TTC17: variants seen among roughly 807,000 people sequenced by gnomAD.
TTC17 encodes the protein tetratricopeptide repeat domain 17, also known as tetratricopeptide repeat protein 17.
TTC17 carries 58 observed loss-of-function variants against 143.8 expected under a neutral mutation model. The ratio of observed to expected loss-of-function variants is 0.40; its 90% CI spans 0.33 to 0.50. The LOEUF is 0.50. TTC17 is among the 20% of genes least tolerant of loss of function. The pLI, the probability that TTC17 is intolerant of heterozygous loss-of-function variation, is 0.49. For missense variants in TTC17, 1,273 were observed against 1,392.5 expected (o/e 0.91, Z 1.37); for synonymous variants, 501 against 497.8 (o/e 1.01, Z -0.09).
intron 21 of TTC17, among the ~76,000 whole-genome samples, chr11:43,480,566 A>T (rs1948267352): frequency 6.6e-6 from 1 of 152,248 alleles, no homozygotes; most frequent in African/African-American, 2.4e-5. Flanking sequence ...TGCTAAGCAA[A>T]TAAAATGACA....
intron 21 of TTC17, among the ~76,000 whole-genome samples, chr11:43,469,272 G>T (rs1948043157): frequency 6.6e-6 from 1 of 152,124 alleles, no homozygotes; most frequent in Non-Finnish European, 1.5e-5. Flanking sequence ...TTGCTAGTGG[G>T]AGTAGAAAAT....
Position 43,493,916 on chromosome 11 carries a change from C to T in TTC17, c.*12C>T. 6.4e-7 allele frequency: 1 copy of T among 1,569,446 alleles called. No homozygotes were observed. The highest frequency in any genetic ancestry group is 8.7e-7 in the Non-Finnish European group (1 of 1,155,496). ...GGCGCTCTCCTTAGTGCACTTCTTCCTTCTCTCTTTCTCTTTACTCATGCT... is the reference window on the plus strand; with the variant it reads ...GGCGCTCTCCTTAGTGCACTTCTTCTTTCTCTCTTTCTCTTTACTCATGCT... On this transcript the variant is annotated 3_prime_UTR_variant, in exon 24 of 24. Transcript: ENST00000039989.
At chr11:43,458,067 A>G (rs1364720442) in intron 21 of TTC17, among the ~76,000 whole-genome samples, 1 of 152,214 alleles carries the variant, frequency 6.6e-6, no homozygotes, top group Non-Finnish European at 1.5e-5. Flanking sequence ...TATTGTTACA[A>G]ACAAACAAAT....
Position 43,387,420 on chromosome 11 carries a change from T to C in TTC17, c.250-2232T>C, listed in dbSNP as rs1565138229. ...TTGGCCAAAGCAAGTCATGTGGCCA[T>C]GCCTTGAAGTCAGTAGGGCAGGATA... On this transcript the variant is annotated intron_variant, in intron 2 of 23. Coordinates refer to ENST00000039989, the MANE Select transcript of TTC17 (RefSeq NM_018259.6). Among the ~76,000 whole-genome samples, 4 of 151,418 alleles carry C rather than the reference T, an allele frequency of 2.6e-5. No individual in the cohort carries two copies. The South Asian group carries it at 8.4e-4, about 32-fold the overall frequency.
intron 21 of TTC17, chr11:43,466,819 G>A (rs1947982628): frequency 6.9e-6 from 2 of 291,962 alleles, no homozygotes; most frequent in Non-Finnish European, 1.4e-5. Flanking sequence ...GAATGCTTTG[G>A]GTCCAGGAAT....
chr11:43,378,380 G>C (rs904179327), intron 1 of TTC17, among the ~76,000 whole-genome samples: 4 of 152,168 alleles, frequency 2.6e-5, no homozygotes, highest in Non-Finnish European at 5.9e-5. Flanking sequence ...CTTATGTAAA[G>C]CTCTTATACT....
At chr11:43,403,080 AAAG>A (rs869232152) in intron 10 of TTC17, among the ~76,000 whole-genome samples, 3 of 105,906 alleles carry the variant, frequency 2.8e-5, no homozygotes, top group African/African-American at 7.9e-5. Flanking sequence ...GGGAAAAAAT[AAAG>A]AAGACCAGAT....
At chr11:43,487,076 G>A (rs1948394595) in intron 21 of TTC17, among the ~76,000 whole-genome samples, 1 of 152,092 alleles carries the variant, frequency 6.6e-6, no homozygotes, top group Admixed American at 6.6e-5. Flanking sequence ...TATATTATAT[G>A]TGTATTTAAT....
chr11:43,455,958 TAGCAAACATA>T, intron 21 of TTC17, among the ~76,000 whole-genome samples: 1 of 152,272 alleles, frequency 6.6e-6, no homozygotes, highest in African/African-American at 2.4e-5. Flanking sequence ...AGTAAAATAG[TAGCAAACATA>T]ATCTAACAGC....
intron 21 of TTC17, among the ~76,000 whole-genome samples, chr11:43,467,165 C>G (rs1947991129): frequency 2.0e-5 from 3 of 152,226 alleles, no homozygotes; most frequent in Admixed American, 2.0e-4. Flanking sequence ...AGCAGTTCCA[C>G]TCCTGGATAT....
chr11:43,396,954 C>CA, intron 6 of TTC17, 136 bp downstream of exon 6: 3 of 447,746 alleles, frequency 6.7e-6, no homozygotes, highest in Admixed American at 4.0e-5. Context: ...ATAAGTCCCA[C>CA]CACAAAAAAA....
At chr11:43,460,301 A>C (rs539947051) in intron 21 of TTC17, among the ~76,000 whole-genome samples, 1 of 152,290 alleles carries the variant, frequency 6.6e-6, no homozygotes, top group African/African-American at 2.4e-5. Context: ...TATCACTTTC[A>C]GCATTTTTCC....
At chr11:43,430,836 T>G (rs574455388) in intron 16 of TTC17, among the ~76,000 whole-genome samples, 134 of 152,074 alleles carry the variant, frequency 8.8e-4, no homozygotes, top group Middle Eastern at 3.4e-3. Context: ...GTGCAGAACA[T>G]GCAGGTTTGT....
intron 13 of TTC17, among the ~76,000 whole-genome samples, chr11:43,406,888 T>C (rs1858164257): frequency 6.6e-6 from 1 of 152,204 alleles, no homozygotes; most frequent in South Asian, 2.1e-4. Context: ...TTTAATGGGG[T>C]ATGGTAGGTT....
intron 22 of TTC17, chr11:43,490,627 T>C (rs1311992346): frequency 8.3e-6 from 2 of 241,030 alleles, no homozygotes; most frequent in East Asian, 1.7e-4. Context: ...CCCTTTCTGC[T>C]GTGTTCAGAG....
intron 16 of TTC17, among the ~76,000 whole-genome samples, chr11:43,430,885 C>T (rs983079239): frequency 6.6e-6 from 1 of 152,068 alleles, no homozygotes; most frequent in African/African-American, 2.4e-5. Flanking sequence ...TTGCTGCACT[C>T]ATCAACCCGT....
At position 43,426,390 on chromosome 11, in the gene TTC17, A is replaced by G. The variant is rs1009335217; in HGVS notation, c.2251+11614A>G. 5.9e-5 allele frequency among the ~76,000 whole-genome samples: 9 copies of G among 152,352 alleles called. No individual in the cohort carries two copies. The East Asian group carries it at 9.6e-4, about 16-fold the overall frequency. On this transcript the variant is annotated intron_variant, in intron 16 of 23. Coordinates refer to ENST00000039989, the MANE Select transcript of TTC17 (RefSeq NM_018259.6). Reference sequence around the variant, plus strand: ...TGTAACAAAAATACATAATATCATCATGTGCTTTTCACTTTCCCCTTGATC... The same window carrying G: ...TGTAACAAAAATACATAATATCATCGTGTGCTTTTCACTTTCCCCTTGATC...
At chr11:43,383,554 G>A (rs185739083) in intron 2 of TTC17, among the ~76,000 whole-genome samples, 1 of 150,492 alleles carries the variant, frequency 6.6e-6, no homozygotes, top group East Asian at 2.0e-4. Flanking sequence ...AGTAGAGACA[G>A]GGTTTCACCA....
chr11:43,362,074 G>T (rs576016816), intron 1 of TTC17, among the ~76,000 whole-genome samples: 1 of 149,114 alleles, frequency 6.7e-6, no homozygotes, highest in South Asian at 2.1e-4. Context: ...TCCGCCTCCC[G>T]GGTTCAAGTG....
Sources: gnomAD v4.1 joint callset for allele counts (sites outside exome capture counted in the v4.1 genomes callset) on GRCh38, gnomAD v4.1.1 for gene constraint, MANE v1.5 for transcripts, NCBI Gene and HGNC (gene_info 2026-07-23, HGNC 2026-07-21) for gene names.